CNTNAP2: variants seen among roughly 807,000 people sequenced by gnomAD.
CNTNAP2 encodes contactin-associated protein-like 2.
In CNTNAP2, 98 loss-of-function variants were observed where a neutral mutation model predicts 155.2. The observed-to-expected ratio is 0.63, with a 90% CI of 0.54 to 0.75. The LOEUF (loss-of-function observed/expected upper bound fraction) is 0.75. Ranked by LOEUF, CNTNAP2 falls within the 30% of genes least tolerant of loss-of-function variation. The pLI is 0.00. For missense variants in CNTNAP2, 1,727 were observed against 1,688.1 expected (o/e 1.02, Z -0.40); for synonymous variants, 651 against 631.2 (o/e 1.03, Z -0.47).
intron 13 of CNTNAP2, among the ~76,000 whole-genome samples, chr7:147,895,760 C>G (rs1367547412): frequency 6.6e-6 from 1 of 152,164 alleles, no homozygotes; most frequent in Non-Finnish European, 1.5e-5. Flanking sequence ...TAGCATAGCA[C>G]TGGAATAAGG....
chr7:147,859,276 A>C, intron 13 of CNTNAP2, among the ~76,000 whole-genome samples: 1 of 152,158 alleles, frequency 6.6e-6, no homozygotes, highest in East Asian at 1.9e-4. Context: ...ATATCTGCCA[A>C]GTTCTAGTCA....
chr7:148,133,009 A>G (rs56253338), intron 16 of CNTNAP2, among the ~76,000 whole-genome samples: 7,123 of 152,332 alleles, frequency 0.047, 220 homozygotes, highest in African/African-American at 0.087. Flanking sequence ...TTCATCCCTG[A>G]TGAACATCCT....
intron 8 of CNTNAP2, among the ~76,000 whole-genome samples, chr7:147,273,851 TATAA>T (rs1253674008): frequency 6.8e-6 from 1 of 147,626 alleles, no homozygotes; most frequent in Non-Finnish European, 1.5e-5. Context: ...TTTAAACATA[TATAA>T]ATATATATGT....
chr7:146,411,813 AT>A (rs201709347), intron 1 of CNTNAP2, among the ~76,000 whole-genome samples: 5,535 of 135,260 alleles, frequency 0.041, 364 homozygotes, highest in African/African-American at 0.16. Context: ...ATTTTATTTT[AT>A]TTTATTTATT....
intron 1 of CNTNAP2, among the ~76,000 whole-genome samples, chr7:146,477,305 A>G (rs552209801): frequency 6.6e-6 from 1 of 152,226 alleles, no homozygotes; most frequent in East Asian, 1.9e-4. Context: ...ATACATATAA[A>G]ATGACTGTGA....
chr7:147,951,074 T>C (rs1284952739), intron 14 of CNTNAP2, among the ~76,000 whole-genome samples: 1 of 152,206 alleles, frequency 6.6e-6, no homozygotes, highest in Non-Finnish European at 1.5e-5. Flanking sequence ...TTAAAATCTG[T>C]ATACTCCTAT....
At chr7:148,230,692 G>A (rs1241393719) in intron 20 of CNTNAP2, among the ~76,000 whole-genome samples, 2 of 152,190 alleles carry the variant, frequency 1.3e-5, no homozygotes, top group Non-Finnish European at 2.9e-5. Context: ...ACTTGATATG[G>A]AGTTTGCGCG....
At chr7:146,634,265 C>G (rs1462795037) in intron 1 of CNTNAP2, among the ~76,000 whole-genome samples, 2 of 152,130 alleles carry the variant, frequency 1.3e-5, no homozygotes, top group Non-Finnish European at 2.9e-5. Context: ...TTTCTGAAAA[C>G]CATACTTCCC....
At chr7:146,301,676 A>G (rs1263434427) in intron 1 of CNTNAP2, among the ~76,000 whole-genome samples, 1 of 152,122 alleles carries the variant, frequency 6.6e-6, no homozygotes, top group East Asian at 1.9e-4. Flanking sequence ...ACATGGTATC[A>G]TTTCAAGACC....
chr7:146,303,519 G>T (rs1461785558), intron 1 of CNTNAP2, among the ~76,000 whole-genome samples: 3 of 151,984 alleles, frequency 2.0e-5, no homozygotes, highest in Non-Finnish European at 4.4e-5. Context: ...ACTTATTCCT[G>T]TTGCATAACT....
At chr7:147,848,614 C>G (rs2116662657) in intron 13 of CNTNAP2, among the ~76,000 whole-genome samples, 1 of 152,194 alleles carries the variant, frequency 6.6e-6, no homozygotes, top group South Asian at 2.1e-4. Context: ...GCCATCTTGG[C>G]TCCTCCTCCC....
chr7:146,799,610 C>T (rs983132570), intron 2 of CNTNAP2, among the ~76,000 whole-genome samples: 2 of 152,184 alleles, frequency 1.3e-5, no homozygotes, highest in Admixed American at 1.3e-4. Flanking sequence ...TATCAAAAGA[C>T]AATGAGTGAA....
intron 13 of CNTNAP2, among the ~76,000 whole-genome samples, chr7:147,817,500 A>G (rs1798285628): frequency 1.3e-5 from 2 of 152,196 alleles, no homozygotes; most frequent in Admixed American, 1.3e-4. Context: ...GGCGCAGTGT[A>G]TATTGCTCAG....
At chr7:148,212,367 C>A (rs142084660) in intron 18 of CNTNAP2, among the ~76,000 whole-genome samples, 1 of 151,950 alleles carries the variant, frequency 6.6e-6, no homozygotes. Flanking sequence ...AACTTTGTGA[C>A]CCTGAGTCCA....
intron 13 of CNTNAP2, among the ~76,000 whole-genome samples, chr7:147,809,342 T>C (rs1798144930): frequency 6.6e-6 from 1 of 152,262 alleles, no homozygotes; most frequent in Admixed American, 6.5e-5. Flanking sequence ...AGAACCTGCA[T>C]CAGTGCCAGA....
chr7:146,838,918 G>T (rs767667268), intron 2 of CNTNAP2, among the ~76,000 whole-genome samples: 1 of 152,018 alleles, frequency 6.6e-6, no homozygotes, highest in Non-Finnish European at 1.5e-5. Context: ...CTAACATTAT[G>T]CCATATTTTC....
intron 1 of CNTNAP2, among the ~76,000 whole-genome samples, chr7:146,681,059 C>G (rs776076081): frequency 6.6e-6 from 1 of 152,102 alleles, no homozygotes; most frequent in Non-Finnish European, 1.5e-5. Context: ...TTTGAATACT[C>G]TAAAATAATC....
rs148564416 is a variant in CNTNAP2 at position 148,073,632 on chromosome 7, A to T, written c.2384-44486A>T. Among the ~76,000 whole-genome samples the T allele has an allele frequency of 3.6e-3, 541 of 152,248 alleles. 3 individuals are homozygous for T. Among genetic ancestry groups the T allele is most frequent in the Non-Finnish European group, 5.6e-3 (381 of 68,010 alleles). On this transcript the variant is annotated intron_variant, in intron 15 of 23. Coordinates refer to ENST00000361727, the MANE Select transcript of CNTNAP2 (RefSeq NM_014141.6). ...TATATTATTGTAATTGTTCTATCTT[A>T]TTAGTTACTGCTGTTAATATTCTAT...
intron 1 of CNTNAP2, among the ~76,000 whole-genome samples, chr7:146,606,702 T>G (rs1799054009): frequency 6.6e-6 from 1 of 152,228 alleles, no homozygotes; most frequent in African/African-American, 2.4e-5. Context: ...TGAGAAATTA[T>G]AAAACAAAAC....
Sources: allele counts gnomAD v4.1 joint callset (sites outside exome capture counted in the v4.1 genomes callset), GRCh38; gene constraint gnomAD v4.1.1; transcripts MANE v1.5; gene names NCBI Gene and HGNC (gene_info 2026-07-23, HGNC 2026-07-21).